SHROOM3: variants seen among roughly 807,000 people sequenced by gnomAD.
The protein encoded by SHROOM3 is protein Shroom3.
SHROOM3 carries 47 observed loss-of-function variants against 138.6 expected under a neutral mutation model. The observed-to-expected ratio is 0.34, with a 90% CI of 0.27 to 0.43. The LOEUF is 0.43. SHROOM3 is among the 20% of genes least tolerant of loss of function. SHROOM3 has a pLI of 1.00. For missense variants in SHROOM3, 2,491 were observed against 2,596.5 expected (o/e 0.96, Z 0.88); for synonymous variants, 1,062 against 1,063.3 (o/e 1.00, Z 0.02).
rs1721252943 is a variant in SHROOM3 at position 76,741,451 on chromosome 4, A to G, written c.3278A>G (p.Lys1093Arg). The change falls in exon 5 of 11, where the codon AAG becomes AGG. Residue 1093 changes from lysine (K) to arginine (R), a missense_variant. Around this residue, in one of 4 missense-constraint regions of SHROOM3, gnomAD observed 1,733 missense variants for 1,661.6 expected, o/e 1.04. Coordinates refer to ENST00000296043, the MANE Select transcript of SHROOM3 (RefSeq NM_020859.4). The surrounding 1 kb of genome is among the most constrained non-coding windows in gnomAD (Gnocchi z 6.2). ...GCCCTGGCGGACTACATCCAGCGCA[A>G]GACCGGCAAGCGGCCTACCTCCGCC... ...QSALADYIQR[K>R]TGKRPTSAAG... 6 of 1,580,248 alleles carry G rather than the reference A, an allele frequency of 3.8e-6. No homozygotes were observed. Among genetic ancestry groups the G allele is most frequent in the Non-Finnish European group, 5.1e-6 (6 of 1,165,426 alleles).
chr4:76,630,073 AC>A (rs142717542), intron 2 of SHROOM3, among the ~76,000 whole-genome samples: 10,416 of 152,188 alleles, frequency 0.068, 1,185 homozygotes, highest in African/African-American at 0.23. Context: ...TCTTTTAACT[AC>A]AGTAGCACTG....
At chr4:76,735,793 T>C (rs1254351527) in intron 4 of SHROOM3, among the ~76,000 whole-genome samples, 9 of 137,322 alleles carry the variant, frequency 6.6e-5, no homozygotes, top group Non-Finnish European at 9.1e-5. Flanking sequence ...TGAGCCGAGA[T>C]TGCGCCACTG....
At chr4:76,568,876 G>A (rs141663804) in intron 2 of SHROOM3, among the ~76,000 whole-genome samples, 21 of 152,302 alleles carry the variant, frequency 1.4e-4, no homozygotes, top group Middle Eastern at 3.4e-3. Flanking sequence ...AACCCTGCCC[G>A]TTCTGTGAGA....
At chr4:76,599,851 T>C (rs996961607) in intron 2 of SHROOM3, among the ~76,000 whole-genome samples, 5 of 152,222 alleles carry the variant, frequency 3.3e-5, no homozygotes, top group African/African-American at 1.2e-4. Flanking sequence ...TTGTTGGTGC[T>C]ACTGTACTTG....
chr4:76,620,963 T>C (rs1734992828), intron 2 of SHROOM3, among the ~76,000 whole-genome samples: 1 of 152,138 alleles, frequency 6.6e-6, no homozygotes, highest in African/African-American at 2.4e-5. Context: ...AGCACCATTA[T>C]GTGATCTGAA....
intron 2 of SHROOM3, among the ~76,000 whole-genome samples, chr4:76,663,239 G>T (rs1401673978): frequency 1.3e-5 from 2 of 151,960 alleles, no homozygotes; most frequent in African/African-American, 4.8e-5. Flanking sequence ...AACTGGGTAG[G>T]GAAGGAGCCA....
intron 2 of SHROOM3, among the ~76,000 whole-genome samples, chr4:76,556,586 A>G (rs1733488951): frequency 6.6e-6 from 1 of 152,196 alleles, no homozygotes; most frequent in African/African-American, 2.4e-5. Context: ...TTGACCTGCT[A>G]AGCGCTAGGC....
chr4:76,590,651 C>T lies in SHROOM3; in HGVS notation c.323+34888C>T, dbSNP rs533139440. On this transcript the variant is annotated intron_variant, in intron 2 of 10. Transcript: ENST00000296043. The stretch of plus-strand genomic sequence containing the variant: ...AAGAAAAGCCCCCGCATCCTACATT[C>T]CTGTTCTTTAAATGAGCAATTTGTA... 7.9e-5 allele frequency among the ~76,000 whole-genome samples: 12 copies of T among 151,980 alleles called. No homozygotes were observed. The South Asian group carries it at 2.5e-3, about 32-fold the overall frequency.
intron 3 of SHROOM3, among the ~76,000 whole-genome samples, chr4:76,725,051 A>C (rs1274160869): frequency 1.3e-5 from 2 of 152,168 alleles, no homozygotes; most frequent in African/African-American, 4.8e-5. Context: ...GCCCTCTCCC[A>C]ACATATCTTC....
chr4:76,775,807 CTA>C (rs57019823), intron 10 of SHROOM3, among the ~76,000 whole-genome samples: 12 of 150,344 alleles, frequency 8.0e-5, no homozygotes, highest in Non-Finnish European at 1.5e-4. Context: ...TACACACATA[CTA>C]TATATATACA....
At chr4:76,632,687 A>T (rs558071256) in intron 2 of SHROOM3, among the ~76,000 whole-genome samples, 1 of 152,332 alleles carries the variant, frequency 6.6e-6, no homozygotes, top group African/African-American at 2.4e-5. Flanking sequence ...TACGGTAATG[A>T]GGCAGGACTA....
intron 9 of SHROOM3, among the ~76,000 whole-genome samples, chr4:76,768,104 G>A (rs908596028): frequency 6.6e-6 from 1 of 152,158 alleles, no homozygotes; most frequent in South Asian, 2.1e-4. Flanking sequence ...TGTACCCTTC[G>A]AGTTAAAAAT....
chr4:76,513,560 CGTCTCG>C (rs1317478058), intron 1 of SHROOM3, among the ~76,000 whole-genome samples: 2 of 152,158 alleles, frequency 1.3e-5, no homozygotes, highest in African/African-American at 4.8e-5. Flanking sequence ...GTGACCCACC[CGTCTCG>C]GCCTTCCAAA....
intron 9 of SHROOM3, among the ~76,000 whole-genome samples, chr4:76,764,758 C>T (rs1217072639): frequency 6.6e-6 from 1 of 152,124 alleles, no homozygotes; most frequent in Non-Finnish European, 1.5e-5. Context: ...GTGTTGTTTT[C>T]CTCTGGCCAC....
rs576655316 is a variant in SHROOM3, at chr4:76,676,712, G to A, written c.324-33444G>A. 8.5e-5 allele frequency among the ~76,000 whole-genome samples: 13 copies of A among 152,096 alleles called. No homozygotes were observed. In the East Asian group the frequency reaches 1.2e-3, roughly 14 times the overall value. ...GTAATTATTCGACTCATTAAAGGTC[G>A]TTAGAAAAACTCTGACCCTTGGAGA... On this transcript the variant is annotated intron_variant, in intron 2 of 10. Transcript: ENST00000296043.
chr4:76,467,307 A>G (rs971867572), intron 1 of SHROOM3, among the ~76,000 whole-genome samples: 6 of 152,028 alleles, frequency 3.9e-5, no homozygotes, highest in Non-Finnish European at 7.4e-5. Flanking sequence ...TCTGCTTCCT[A>G]AAGTGCTGAG....
chr4:76,709,770 C>T (rs1437279532), intron 2 of SHROOM3: 2 of 281,092 alleles, frequency 7.1e-6, no homozygotes, highest in Admixed American at 5.0e-5. Flanking sequence ...TGGTTTCAAA[C>T]CACCTCGTTT....
rs888889610 is a variant in SHROOM3 at position 76,662,739 on chromosome 4, G to C, written c.324-47417G>C. Among the ~76,000 whole-genome samples the C allele has an allele frequency of 4.6e-5, 7 of 152,292 alleles. No homozygotes were observed. The South Asian group carries it at 1.5e-3, about 32-fold the overall frequency. ...CTTCTAAAGAAGCATGCCTACTGTA[G>C]GTTCAATAATTGCAATCCTGTGGTT... On this transcript the variant is annotated intron_variant, in intron 2 of 10. Transcript: ENST00000296043.
chr4:76,735,868 A>AT (rs1316555891), intron 4 of SHROOM3, among the ~76,000 whole-genome samples: 1 of 18,812 alleles, frequency 5.3e-5, no homozygotes, highest in Non-Finnish European at 9.1e-5. Context: ...AAAAAAAAAA[A>AT]ATATATATAT....
Sources: gnomAD v4.1 joint callset for allele counts (sites outside exome capture counted in the v4.1 genomes callset) on GRCh38, gnomAD v4.1.1 for gene constraint, gnomAD v4.1.1 regional missense constraint, Gnocchi (gnomAD v3.1) non-coding constraint, MANE v1.5 for transcripts, NCBI Gene and HGNC (gene_info 2026-07-23, HGNC 2026-07-21) for gene names.